TBC1D4: variants seen among roughly 807,000 people sequenced by gnomAD.
TBC1D4 encodes TBC (Tre-2, BUB2, CDC16) domain-containing protein.
In TBC1D4, 121 loss-of-function variants were observed where a neutral mutation model predicts 142.5. The ratio of observed to expected loss-of-function variants is 0.85; its 90% CI spans 0.73 to 0.99. The LOEUF (loss-of-function observed/expected upper bound fraction) is 0.99. Among genes scored for constraint, TBC1D4 ranks in the 50% least tolerant of loss-of-function variants. The pLI is 0.00. For missense variants in TBC1D4, 1,475 were observed against 1,606.6 expected, an observed-to-expected ratio of 0.92 and a Z score of 1.40; for synonymous variants, 630 against 628.2, an observed-to-expected ratio of 1.00 and a Z score of -0.04.
At chr13:75,372,873 T>C (rs997887853) in intron 1 of TBC1D4, among the ~76,000 whole-genome samples, 13 of 152,198 alleles carry the variant, frequency 8.5e-5, no homozygotes, top group African/African-American at 2.2e-4. Context: ...AATCAGGACT[T>C]GATGACATTT....
At position 75,286,587 on chromosome 13, in the gene TBC1D4, A is replaced by G. The variant is rs1184774707; in HGVS notation, c.*205T>C. ...TATATATTTATATGTACATAGCAAC[A>G]ACAAAAACCAGTCTACATATGTCCA... On this transcript the variant is annotated 3_prime_UTR_variant, in exon 21 of 21. Transcript: ENST00000377636. 3.5e-6 allele frequency: 2 copies of G among 579,690 alleles called. No homozygotes were observed. Among genetic ancestry groups the G allele is most frequent in the Non-Finnish European group, 6.1e-6 (2 of 325,654 alleles). The allele number at this position is 579,690 out of a possible 1,614,324, so 35.9% of individuals were successfully genotyped here.
intron 1 of TBC1D4, among the ~76,000 whole-genome samples, chr13:75,409,053 A>ACACG (rs1396877221): frequency 2.6e-5 from 4 of 151,638 alleles, no homozygotes; most frequent in Non-Finnish European, 5.9e-5. Context: ...ACACACACAC[A>ACACG]CACACTCACA....
intron 1 of TBC1D4, among the ~76,000 whole-genome samples, chr13:75,476,844 G>A (rs1888647980): frequency 6.6e-6 from 1 of 152,192 alleles, no homozygotes; most frequent in Non-Finnish European, 1.5e-5. Context: ...ATTGAGGGTA[G>A]GGTCCAGTGG....
chr13:75,312,811 G>A lies in TBC1D4; in HGVS notation c.2310C>T (p.Ile770=). 3 of 1,614,236 alleles carry A rather than the reference G, an allele frequency of 1.9e-6. No homozygotes were observed. Among genetic ancestry groups the A allele is most frequent in the Non-Finnish European group, 2.5e-6 (3 of 1,180,040 alleles). Residue 770 remains isoleucine, a synonymous_variant, in exon 13 of 21, where the codon ATC becomes ATT. Coordinates refer to ENST00000377636, the MANE Select transcript of TBC1D4 (RefSeq NM_014832.5). ...TGAGGAAAATGCGCTGCCGCCAGGA[G>A]ATCCGGCGAGGAGTGACAGAGGTTC... ...VGGTSVTPRR[I]SWRQRIFLRV...
At position 75,362,043 on chromosome 13, in the gene TBC1D4, T is replaced by G. The variant is rs781099112; in HGVS notation, c.1063A>C (p.Arg355=). 3 of 1,614,154 alleles carry G rather than the reference T, an allele frequency of 1.9e-6. No homozygotes were observed. In the East Asian group the frequency reaches 6.7e-5, roughly 36 times the overall value. ...HVQPSDSEKN[R]TMLFQVGRFE... is the part of the protein sequence containing the mutation. ...AGGTGTACCTGGAAGAGCATGGTCCTGTTCTTCTCCGAGTCCGAGGGCTGG... is the reference window on the plus strand; with the variant it reads ...AGGTGTACCTGGAAGAGCATGGTCCGGTTCTTCTCCGAGTCCGAGGGCTGG... The change falls in exon 2 of 21, where the codon AGG becomes CGG. Residue 355 remains arginine, a synonymous_variant. Coordinates refer to ENST00000377636, the MANE Select transcript of TBC1D4 (RefSeq NM_014832.5). The surrounding 1 kb of genome is among the most constrained non-coding windows in gnomAD (Gnocchi z 4.2).
At chr13:75,351,692 C>T (rs1881617701) in intron 4 of TBC1D4, among the ~76,000 whole-genome samples, 1 of 150,990 alleles carries the variant, frequency 6.6e-6, no homozygotes, top group Non-Finnish European at 1.5e-5. Context: ...GTCCTTGCAA[C>T]AGTTTGCTGA....
chr13:75,472,633 CTCTCAGGAAAAAGAAGGCCAG>C (rs1336935106), intron 1 of TBC1D4, among the ~76,000 whole-genome samples: 84 of 152,236 alleles, frequency 5.5e-4, no homozygotes, highest in African/African-American at 1.9e-3. Flanking sequence ...ACTAGATACT[CTCTCAGGAAAAAGAAGGCCAG>C]CTTCCATGAC....
At chr13:75,446,791 T>C (rs1222421889) in intron 1 of TBC1D4, among the ~76,000 whole-genome samples, 1 of 152,174 alleles carries the variant, frequency 6.6e-6, no homozygotes, top group Non-Finnish European at 1.5e-5. Flanking sequence ...AGCAAAACTA[T>C]AAATATTTGA....
At chr13:75,311,440 C>A (rs973251391) in intron 13 of TBC1D4, among the ~76,000 whole-genome samples, 3 of 152,010 alleles carry the variant, frequency 2.0e-5, no homozygotes, top group East Asian at 3.9e-4. Context: ...TATATATATT[C>A]ATTGACCTCT....
intron 20 of TBC1D4, among the ~76,000 whole-genome samples, chr13:75,287,588 A>G (rs913414419): frequency 1.3e-5 from 2 of 152,232 alleles, no homozygotes; most frequent in African/African-American, 4.8e-5. Context: ...CCATTGACCT[A>G]TCCAACTAAA....
chr13:75,348,954 A>AGTGTGTGTGTGTGT (rs55954112), intron 5 of TBC1D4, among the ~76,000 whole-genome samples: 13 of 139,164 alleles, frequency 9.3e-5, no homozygotes, highest in African/African-American at 2.8e-4. Flanking sequence ...AGAGAGAGAG[A>AGTGTGTGTGTGTGT]GTGTGTGTGT....
At chr13:75,356,627 TCTGAGG>T (rs1882073898) in intron 3 of TBC1D4, among the ~76,000 whole-genome samples, 1 of 152,200 alleles carries the variant, frequency 6.6e-6, no homozygotes, top group Admixed American at 6.5e-5. Context: ...CCTGTTCTTA[TCTGAGG>T]CTAAGAATCT....
At chr13:75,338,902 C>G (rs1430663426) in intron 7 of TBC1D4, among the ~76,000 whole-genome samples, 1 of 152,220 alleles carries the variant, frequency 6.6e-6, no homozygotes, top group Non-Finnish European at 1.5e-5. Flanking sequence ...AACTCCCTCT[C>G]CCTTCCTTTA....
chr13:75,451,959 T>C (rs1172522764), intron 1 of TBC1D4, among the ~76,000 whole-genome samples: 1 of 151,970 alleles, frequency 6.6e-6, no homozygotes, highest in Non-Finnish European at 1.5e-5. Context: ...AATTTTATAT[T>C]TTTTGATGAC....
chr13:75,419,082 C>G (rs1190440193), intron 1 of TBC1D4, among the ~76,000 whole-genome samples: 1 of 152,186 alleles, frequency 6.6e-6, no homozygotes, highest in Non-Finnish European at 1.5e-5. Flanking sequence ...CACAAACACA[C>G]ACACACACAC....
chr13:75,310,301 A>C, intron 13 of TBC1D4, 150 bp from the exon 14 acceptor site: 1 of 787,736 alleles, frequency 1.3e-6, no homozygotes, highest in Non-Finnish European at 2.1e-6. Context: ...GCTAATATTT[A>C]AGTAAATTCA....
chr13:75,302,072 T>C (rs2137888890), intron 16 of TBC1D4, among the ~76,000 whole-genome samples, 171 bp downstream of exon 16: 1 of 152,284 alleles, frequency 6.6e-6, no homozygotes, highest in East Asian at 1.9e-4. Flanking sequence ...ATTTATGGGA[T>C]CGTCAATCAG....
At chr13:75,444,192 T>C (rs1409673562) in intron 1 of TBC1D4, among the ~76,000 whole-genome samples, 1 of 152,200 alleles carries the variant, frequency 6.6e-6, no homozygotes, top group African/African-American at 2.4e-5. Context: ...GGTGTCATCA[T>C]AGCTCACTAC....
chr13:75,292,217 A>G lies in TBC1D4; in HGVS notation c.3371T>C (p.Leu1124Pro). 6.2e-7 allele frequency: 1 copy of G among 1,613,504 alleles called. No homozygotes were observed. Among genetic ancestry groups the G allele is most frequent in the Non-Finnish European group, 8.5e-7 (1 of 1,179,692 alleles). The change falls in exon 19 of 21, where the codon CTG becomes CCG. Residue 1124 changes from leucine to proline, a missense_variant. Transcript: ENST00000377636. ...EVIFKVALSL[L>P]SSQETLIMEC... The stretch of plus-strand genomic sequence containing the variant: ...CATTATAAGTGTCTCTTGGCTGCTC[A>G]GTAGGCTGAGTGCAACCTTGAATAT...
Sources: allele counts gnomAD v4.1 joint callset (sites outside exome capture counted in the v4.1 genomes callset), GRCh38; gene constraint gnomAD v4.1.1; non-coding constraint Gnocchi (gnomAD v3.1); transcripts MANE v1.5; gene names NCBI Gene and HGNC (gene_info 2026-07-23, HGNC 2026-07-21).